The following CUX1 variants were observed in gnomAD, a reference collection of about 807,000 sequenced individuals.
CUX1 encodes protein CASP.
In CUX1, 31 loss-of-function variants were observed where a neutral mutation model predicts 158.8. The observed-to-expected ratio is 0.20, with a 90% CI of 0.15 to 0.26. The LOEUF is 0.26. Ranked by LOEUF, CUX1 falls within the 10% of genes least tolerant of loss-of-function variation. The pLI is 1.00. For synonymous variants in CUX1, 879 were observed against 862.1 expected (o/e 1.02, Z -0.34); for missense variants, 1,589 against 2,014.6 (o/e 0.79, Z 4.04).
intron 1 of CUX1, among the ~76,000 whole-genome samples, chr7:101,835,290 C>A (rs115075146): frequency 6.6e-6 from 1 of 152,068 alleles, no homozygotes; most frequent in South Asian, 2.1e-4. Flanking sequence ...ACAGTGTTTG[C>A]GGGGCTCACC....
intron 2 of CUX1, among the ~76,000 whole-genome samples, chr7:102,011,325 C>T (rs893604763): frequency 5.3e-5 from 8 of 152,000 alleles, no homozygotes; most frequent in African/African-American, 1.9e-4. Flanking sequence ...CTCTGCCTGG[C>T]AGGAGCTGCT....
chr7:102,168,797 C>T (rs1791343076), intron 9 of CUX1, among the ~76,000 whole-genome samples: 2 of 152,010 alleles, frequency 1.3e-5, no homozygotes, highest in Admixed American at 6.6e-5. Flanking sequence ...TCTTGTTTGT[C>T]TTTCTGAGTC....
At chr7:101,827,249 T>TCTTCG (rs1584668763) in intron 1 of CUX1, among the ~76,000 whole-genome samples, 1 of 80,434 alleles carries the variant, frequency 1.2e-5, no homozygotes, top group African/African-American at 4.8e-5. Flanking sequence ...CCCCTCCTTC[T>TCTTCG]CTTCTCTTCT....
At chr7:102,172,866 G>A (rs1300503243) in intron 10 of CUX1, among the ~76,000 whole-genome samples, 2 of 152,048 alleles carry the variant, frequency 1.3e-5, no homozygotes, top group Non-Finnish European at 1.5e-5. Flanking sequence ...GTTTGAGACC[G>A]GCCAGGGCAA....
intron 2 of CUX1, among the ~76,000 whole-genome samples, chr7:101,974,550 A>G (rs1245195543): frequency 6.6e-6 from 1 of 152,216 alleles, no homozygotes; most frequent in Non-Finnish European, 1.5e-5. Flanking sequence ...TATGAGATGA[A>G]AGTCAGCTAA....
At chr7:101,992,849 CCTG>C (rs1815329365) in intron 2 of CUX1, among the ~76,000 whole-genome samples, 1 of 142,272 alleles carries the variant, frequency 7.0e-6, no homozygotes, top group African/African-American at 2.5e-5. Flanking sequence ...ATGGTAATTA[CCTG>C]CTATTAGACA....
At chr7:102,168,993 C>T (rs988160778) in intron 9 of CUX1, among the ~76,000 whole-genome samples, 6 of 143,602 alleles carry the variant, frequency 4.2e-5, no homozygotes, top group East Asian at 2.0e-4. Context: ...AGTGCAATGG[C>T]GTGATCTCTG....
chr7:102,216,637 A>ACACG (rs1292239780), intron 20 of CUX1, among the ~76,000 whole-genome samples: 1 of 99,718 alleles, frequency 1.0e-5, no homozygotes, highest in Non-Finnish European at 2.0e-5. Flanking sequence ...ACACCCCCAC[A>ACACG]CACGCACACA....
At position 102,026,829 on chromosome 7, in the gene CUX1, A is replaced by C. The variant is rs950593444; in HGVS notation, c.142-1269A>C. On this transcript the variant is annotated intron_variant, in intron 2 of 23. Transcript: ENST00000292535. ...TGAGACTCCGTCTTTAAAAAAAAAA[A>C]AAAAAAAAAAAAAAACATAGTTTCA... 9.1e-4 allele frequency among the ~76,000 whole-genome samples: 138 copies of C among 151,554 alleles called. 3 individuals carry two copies. Among genetic ancestry groups the C allele is most frequent in the African/African-American group, 3.0e-3 (125 of 41,316 alleles).
intron 1 of CUX1, among the ~76,000 whole-genome samples, chr7:101,835,213 T>C (rs921965451): frequency 3.7e-4 from 57 of 152,220 alleles, no homozygotes; most frequent in Non-Finnish European, 6.5e-4. Flanking sequence ...GCATCTATTC[T>C]CTGCCTCCAT....
chr7:101,998,407 A>G (rs1368539290), intron 2 of CUX1, among the ~76,000 whole-genome samples: 1 of 152,194 alleles, frequency 6.6e-6, no homozygotes, highest in African/African-American at 2.4e-5. Flanking sequence ...TGAGACAGCC[A>G]GTTCCTGTCC....
intron 20 of CUX1, among the ~76,000 whole-genome samples, chr7:102,205,725 G>A (rs1357021369): frequency 6.6e-6 from 1 of 152,158 alleles, no homozygotes; most frequent in African/African-American, 2.4e-5. Flanking sequence ...GGTGGTGGCG[G>A]AGAGTGGTGG....
intron 1 of CUX1, among the ~76,000 whole-genome samples, chr7:101,838,375 C>A (rs1794859924): frequency 6.6e-6 from 1 of 150,696 alleles, no homozygotes; most frequent in Admixed American, 6.6e-5. Context: ...GGTGATCAAC[C>A]CACCTCAGCC....
chr7:102,241,711 C>T (rs972941433), intron 23 of CUX1, among the ~76,000 whole-genome samples: 2 of 152,252 alleles, frequency 1.3e-5, no homozygotes, highest in Non-Finnish European at 2.9e-5. Context: ...GAACTGAGCG[C>T]ACCTGCTACG....
At position 101,872,803 on chromosome 7, in the gene CUX1, T is replaced by G. The variant is rs114831335; in HGVS notation, c.31-43312T>G. ...ATGTTGGTTTTATTTTTTATTTTAT[T>G]TATTTACTTAGTTTTTACAATGTAC... On this transcript the variant is annotated intron_variant, in intron 1 of 23. Coordinates refer to ENST00000292535, the MANE Select transcript of CUX1 (RefSeq NM_181552.4). Among the ~76,000 whole-genome samples the G allele has an allele frequency of 6.9e-3, 1,050 of 152,262 alleles. 12 individuals are homozygous for G. Among genetic ancestry groups the G allele is most frequent in the African/African-American group, 0.023 (971 of 41,568 alleles).
At chr7:102,172,791 G>A (rs797041418) in intron 10 of CUX1, among the ~76,000 whole-genome samples, 17 of 152,336 alleles carry the variant, frequency 1.1e-4, no homozygotes, top group African/African-American at 3.6e-4. Flanking sequence ...GCTGGGCGCA[G>A]TGGCTCACAC....
At chr7:101,895,891 G>GTTTTTTTTTTTTTTT (rs66481506) in intron 1 of CUX1, among the ~76,000 whole-genome samples, 2 of 112,716 alleles carry the variant, frequency 1.8e-5, no homozygotes, top group Non-Finnish European at 1.7e-5. Flanking sequence ...CACCTGTAAA[G>GTTTTTTTTTTTTTTT]TTTTTTTTTT....
chr7:101,880,680 CTA>C (rs1232752629), intron 1 of CUX1, among the ~76,000 whole-genome samples: 2 of 152,218 alleles, frequency 1.3e-5, no homozygotes, highest in Admixed American at 1.3e-4. Context: ...GAAATATAGA[CTA>C]TAAAAGCAGA....
chr7:101,991,221 A>G (rs541459841), intron 2 of CUX1, among the ~76,000 whole-genome samples: 4 of 152,356 alleles, frequency 2.6e-5, no homozygotes, highest in South Asian at 2.1e-4. Context: ...AAACACAAGC[A>G]GTGTTTGAAA....
Sources: allele counts gnomAD v4.1 joint callset (sites outside exome capture counted in the v4.1 genomes callset), GRCh38; gene constraint gnomAD v4.1.1; transcripts MANE v1.5; gene names NCBI Gene and HGNC (gene_info 2026-07-23, HGNC 2026-07-21).